Variants in CMSS1 observed in about 807,000 individuals in gnomAD.
CMSS1 encodes the protein cms1 ribosomal small subunit homolog, also known as protein CMSS1.
In CMSS1, 33 loss-of-function variants were observed where a neutral mutation model predicts 43.5. The observed-to-expected ratio is 0.76, with a 90% confidence interval of 0.57 to 1.01. The LOEUF is 1.01. Ranked by LOEUF, CMSS1 falls within the 50% of genes least tolerant of loss-of-function variation. The pLI is 0.00. For synonymous variants in CMSS1, 115 were observed against 117.2 expected (o/e 0.98, Z 0.12); for missense variants, 313 against 326.4 (o/e 0.96, Z 0.32).
intron 1 of CMSS1, among the ~76,000 whole-genome samples, chr3:100,054,136 A>G (rs977842674): frequency 6.6e-6 from 1 of 152,188 alleles, no homozygotes; most frequent in African/African-American, 2.4e-5. Flanking sequence ...TCAAGATAGC[A>G]TGTAGTGTTT....
At position 100,092,464 on chromosome 3, in the gene CMSS1, G is replaced by A. The variant is rs540443213; in HGVS notation, c.65-54509G>A. 7.2e-5 allele frequency among the ~76,000 whole-genome samples: 11 copies of A among 152,016 alleles called. No individual in the cohort carries two copies. In the South Asian group the frequency reaches 1.9e-3, roughly 26 times the overall value. On this transcript the variant is annotated intron_variant, in intron 1 of 9. Coordinates refer to ENST00000421999, the MANE Select transcript of CMSS1 (RefSeq NM_032359.4). ...GGAAAAGCCAATATGAATGTAGTTG[G>A]ATTCTCAGGCAGCTGAAAAATAAAG... is the stretch of plus-strand genomic sequence containing the variant.
At chr3:99,904,227 G>A (rs906333399) in intron 1 of CMSS1, among the ~76,000 whole-genome samples, 3 of 152,180 alleles carry the variant, frequency 2.0e-5, no homozygotes, top group African/African-American at 7.2e-5. Context: ...AGGGCCATAG[G>A]CCAGATTGTT....
At chr3:99,953,122 C>T (rs1298759975) in intron 1 of CMSS1, among the ~76,000 whole-genome samples, 4 of 152,098 alleles carry the variant, frequency 2.6e-5, no homozygotes, top group Non-Finnish European at 5.9e-5. Context: ...ACTTAAAGGT[C>T]AATGCTATGT....
At chr3:100,014,245 A>G (rs982570065) in intron 1 of CMSS1, among the ~76,000 whole-genome samples, 11 of 151,650 alleles carry the variant, frequency 7.3e-5, no homozygotes, top group Non-Finnish European at 1.0e-4. Flanking sequence ...TCATCTGTCA[A>G]TGGACACCTA....
At chr3:99,836,118 C>T (rs2107494928) in intron 1 of CMSS1, among the ~76,000 whole-genome samples, 1 of 152,226 alleles carries the variant, frequency 6.6e-6, no homozygotes, top group East Asian at 1.9e-4. Context: ...TTGCTGTGAT[C>T]AGAATGGTAT....
chr3:99,849,948 C>G (rs1943580451), intron 1 of CMSS1: 2 of 1,613,018 alleles, frequency 1.2e-6, no homozygotes, highest in Non-Finnish European at 1.7e-6. Context: ...CATTTCCTTT[C>G]TCTTCTTCCG....
intron 1 of CMSS1, among the ~76,000 whole-genome samples, chr3:99,906,890 A>C (rs1335206119): frequency 1.3e-5 from 2 of 152,190 alleles, no homozygotes; most frequent in African/African-American, 4.8e-5. Context: ...GCCCTATAAC[A>C]GAGATATGGT....
chr3:100,033,582 C>T (rs916337873), intron 1 of CMSS1, among the ~76,000 whole-genome samples: 19 of 152,332 alleles, frequency 1.2e-4, no homozygotes, highest in Non-Finnish European at 2.6e-4. Flanking sequence ...CCCTCAACTG[C>T]ACTCTTAAAT....
chr3:99,957,713 T>TTTTTTTTTTTTTTTTTTTTTTTG (rs1708370957), intron 1 of CMSS1, among the ~76,000 whole-genome samples: 1 of 131,556 alleles, frequency 7.6e-6, no homozygotes, highest in Non-Finnish European at 1.6e-5. Context: ...TTTTTTTTTT[T>TTTTTTTTTTTTTTTTTTTTTTTG]TTTTTTTTGG....
At chr3:100,060,098 G>T (rs906861169) in intron 1 of CMSS1, among the ~76,000 whole-genome samples, 1 of 152,104 alleles carries the variant, frequency 6.6e-6, no homozygotes, top group African/African-American at 2.4e-5. Context: ...CAGCTGTGCC[G>T]GGTATGGTAA....
intron 1 of CMSS1, among the ~76,000 whole-genome samples, chr3:99,841,010 C>A (rs793437): frequency 0.56 from 84,934 of 152,120 alleles, 24,213 homozygotes; most frequent in East Asian, 0.72. Flanking sequence ...TTAATAAGCT[C>A]TTCAAGGGCA....
intron 1 of CMSS1, among the ~76,000 whole-genome samples, chr3:100,093,134 T>A (rs2066141987): frequency 1.3e-5 from 2 of 152,084 alleles, no homozygotes; most frequent in African/African-American, 4.8e-5. Flanking sequence ...TTAAACATAC[T>A]CTATGCACTG....
intron 1 of CMSS1, among the ~76,000 whole-genome samples, chr3:99,822,857 C>T (rs866677137): frequency 6.6e-6 from 1 of 152,184 alleles, no homozygotes; most frequent in Non-Finnish European, 1.5e-5. Flanking sequence ...TTCCCAAGTA[C>T]ACCAGCGGTA....
intron 1 of CMSS1, among the ~76,000 whole-genome samples, chr3:100,146,403 C>T (rs990152175): frequency 2.0e-5 from 3 of 152,168 alleles, no homozygotes; most frequent in Non-Finnish European, 4.4e-5. Flanking sequence ...GTTCTGGGTG[C>T]AGGCATCACT....
chr3:100,038,654 A>G (rs1185248514), intron 1 of CMSS1, among the ~76,000 whole-genome samples: 1 of 152,206 alleles, frequency 6.6e-6, no homozygotes, highest in Non-Finnish European at 1.5e-5. Context: ...AAAGCTATTT[A>G]TGGGTTTTGT....
chr3:99,970,624 T>C (rs893213821), intron 1 of CMSS1, among the ~76,000 whole-genome samples: 2 of 152,328 alleles, frequency 1.3e-5, no homozygotes, highest in Admixed American at 1.3e-4. Context: ...AGACCTTGCA[T>C]GTACAGGGTC....
chr3:100,166,246 TATACATCACTC>T lies in CMSS1; in HGVS notation c.356-85_356-75del, dbSNP rs534880988. 192 of 858,898 alleles carry T rather than the reference TATACATCACTC, an allele frequency of 2.2e-4. 2 individuals carry two copies. The East Asian group carries it at 4.4e-3, about 20-fold the overall frequency. The allele number at this position is 858,898 out of a possible 1,614,324, so 53.2% of individuals were successfully genotyped here. ...CCAATTCACTAATATTTTACAACCT[TATACATCACTC>T]ATAACTCACATATAATCTGTTTTGA... On this transcript the variant is annotated intron_variant, in intron 4 of 9. Coordinates refer to ENST00000421999, the MANE Select transcript of CMSS1 (RefSeq NM_032359.4).
At chr3:99,853,681 T>TC (rs2107535466) in intron 1 of CMSS1, among the ~76,000 whole-genome samples, 1 of 152,328 alleles carries the variant, frequency 6.6e-6, no homozygotes, top group South Asian at 2.1e-4. Flanking sequence ...TTAGTTGGCA[T>TC]CCCCATCTGT....
chr3:100,016,332 A>G (rs1281419792), intron 1 of CMSS1, among the ~76,000 whole-genome samples: 1 of 152,170 alleles, frequency 6.6e-6, no homozygotes, highest in Non-Finnish European at 1.5e-5. Context: ...AGGTGGGATT[A>G]CAGGCATGCG....
Sources: gnomAD v4.1 joint callset for allele counts (sites outside exome capture counted in the v4.1 genomes callset) on GRCh38, gnomAD v4.1.1 for gene constraint, MANE v1.5 for transcripts, NCBI Gene and HGNC (gene_info 2026-07-23, HGNC 2026-07-21) for gene names.